EXD3: variants seen among roughly 807,000 people sequenced by gnomAD.
The protein encoded by EXD3 is exonuclease mut-7 homolog.
EXD3 carries 92 observed loss-of-function variants against 98.0 expected under a neutral mutation model. The observed-to-expected ratio is 0.94, with a 90% CI of 0.79 to 1.12. The LOEUF (loss-of-function observed/expected upper bound fraction) is 1.12. Ranked by LOEUF, EXD3 falls within the 50% of genes most tolerant of loss-of-function variation. The pLI, the probability that EXD3 is intolerant of heterozygous loss-of-function variation, is 0.00. For missense variants in EXD3, 1,222 were observed against 1,191.6 expected, an observed-to-expected ratio of 1.03 and a Z score of -0.38; for synonymous variants, 569 against 526.0, an observed-to-expected ratio of 1.08 and a Z score of -1.12.
chr9:137,310,336 G>A lies in EXD3; in HGVS notation c.2185-636C>T, dbSNP rs551130768. Among the ~76,000 whole-genome samples, 37 of 152,276 alleles carry A rather than the reference G, an allele frequency of 2.4e-4. No individual in the cohort carries two copies. In the South Asian group the frequency reaches 2.7e-3, roughly 11 times the overall value. ...ACAGCTCACTGCAGCCTGAAGCCCCGGGGCTCAAATGAGCCTCCCACATCA... is the reference window on the plus strand; with the variant it reads ...ACAGCTCACTGCAGCCTGAAGCCCCAGGGCTCAAATGAGCCTCCCACATCA... On this transcript the variant is annotated intron_variant, in intron 19 of 21. Coordinates refer to ENST00000340951, the MANE Select transcript of EXD3 (RefSeq NM_017820.5).
At chr9:137,329,498 CACACGGGACT>C (rs1832817612) in intron 17 of EXD3, among the ~76,000 whole-genome samples, 3 of 49,610 alleles carry the variant, frequency 6.0e-5, no homozygotes, top group Admixed American at 1.9e-4. Flanking sequence ...TACACGGGGT[CACACGGGACT>C]ACACGGGACT....
Position 137,328,960 on chromosome 9 carries a change from G to GA in EXD3, c.1999-4818_1999-4817insT, listed in dbSNP as rs1216926999. Among the ~76,000 whole-genome samples the GA allele has an allele frequency of 2.3e-3, 47 of 20,394 alleles. 4 individuals carry two copies. Among genetic ancestry groups the GA allele is most frequent in the Non-Finnish European group, 3.3e-3 (36 of 10,772 alleles). 13.4% of individuals were successfully genotyped at this position (20,394 alleles called of 152,430 possible). The stretch of plus-strand genomic sequence containing the variant: ...CACGGGGCTACACGGGGCTACACGG[G>GA]GCTACACGGGAGCTACACGGGACTA... On this transcript the variant is annotated intron_variant, in intron 17 of 21. Coordinates refer to ENST00000340951, the MANE Select transcript of EXD3 (RefSeq NM_017820.5).
At chr9:137,400,933 A>G (rs1164912414) in intron 1 of EXD3, among the ~76,000 whole-genome samples, 5 of 152,116 alleles carry the variant, frequency 3.3e-5, no homozygotes, top group Non-Finnish European at 5.9e-5. Flanking sequence ...GTGGGTTCCC[A>G]TGGTCTTGGG....
At position 137,374,434 on chromosome 9, in the gene EXD3, C is replaced by A. The variant is rs548010825; in HGVS notation, c.121-835G>T. ...CCGAGAGCGTGGGCCGCGCTGTTCT[C>A]GTCCCTGCGATGTGGATGGTGTGCT... On this transcript the variant is annotated intron_variant, in intron 3 of 21. Transcript: ENST00000340951. 1.7e-4 allele frequency: 78 copies of A among 459,866 alleles called. No individual in the cohort carries two copies. The South Asian group carries it at 3.1e-3, about 18-fold the overall frequency. The allele number at this position is 459,866 out of a possible 1,614,324, so 28.5% of individuals were successfully genotyped here.
intron 19 of EXD3, among the ~76,000 whole-genome samples, chr9:137,313,560 A>G (rs1397028641): frequency 6.6e-6 from 1 of 152,180 alleles, no homozygotes; most frequent in Non-Finnish European, 1.5e-5. Context: ...GCTTCTGAGC[A>G]AAGAGCAAGC....
intron 8 of EXD3, among the ~76,000 whole-genome samples, chr9:137,355,702 G>GAGGAAGT (rs1564509243): frequency 6.6e-4 from 97 of 147,408 alleles, no homozygotes; most frequent in African/African-American, 2.4e-3. Context: ...AGGGAGGAAG[G>GAGGAAGT]AGGAAGGAGG....
At chr9:137,381,974 G>T (rs1232862447) in intron 3 of EXD3, among the ~76,000 whole-genome samples, 1 of 137,828 alleles carries the variant, frequency 7.3e-6, no homozygotes, top group Non-Finnish European at 1.6e-5. Flanking sequence ...GGAGGAGGTG[G>T]GAGCACGCAG....
At chr9:137,340,874 C>A (rs1833615203) in intron 17 of EXD3, among the ~76,000 whole-genome samples, 1 of 152,128 alleles carries the variant, frequency 6.6e-6, no homozygotes, top group Admixed American at 6.5e-5. Context: ...CAATGCAGTT[C>A]CAAGCAACAC....
At chr9:137,362,295 C>G (rs941268880) in intron 7 of EXD3, among the ~76,000 whole-genome samples, 1 of 152,042 alleles carries the variant, frequency 6.6e-6, no homozygotes, top group Admixed American at 6.6e-5. Context: ...AAAAGTTACC[C>G]CAAAGGAATA....
intron 17 of EXD3, among the ~76,000 whole-genome samples, chr9:137,333,624 TA>T (rs1023507734): frequency 3.3e-5 from 5 of 152,238 alleles, no homozygotes; most frequent in African/African-American, 1.2e-4. Context: ...CCTGGTCGTT[TA>T]AAAGTGCGTA....
In EXD3 at chr9:137,307,001, G is replaced by C; in HGVS notation, c.2580C>G (p.Pro860=). The part of the protein sequence containing the change: ...THFRDMLESA[P]SPCEPSPAPS... ...GGGCTGGGCTCGGCTCGCAGGGGCT[G>C]GGGGCGCTCTCCAGCATGTCTCGGA... The change falls in exon 22 of 22, where the codon CCC becomes CCG. Residue 860 remains proline, a synonymous_variant. Coordinates refer to ENST00000340951, the MANE Select transcript of EXD3 (RefSeq NM_017820.5). 6.2e-7 allele frequency: 1 copy of C among 1,610,430 alleles called. No homozygotes were observed. The highest frequency in any genetic ancestry group is 1.1e-5 in the South Asian group (1 of 90,870).
intron 1 of EXD3, among the ~76,000 whole-genome samples, chr9:137,400,828 C>T (rs1837448516): frequency 6.6e-6 from 1 of 151,916 alleles, no homozygotes; most frequent in South Asian, 2.1e-4. Context: ...AGGGCCCACG[C>T]AAGTCTGAAA....
rs1191106473 is a variant in EXD3, at chr9:137,385,218, C to T, written c.56-1841G>A. Reference sequence around the variant, plus strand: ...TCTGCGCTCAGAACCGTCCCACCATCGTGCACAGTGTGCTGCATACAGAGG... The same window carrying T: ...TCTGCGCTCAGAACCGTCCCACCATTGTGCACAGTGTGCTGCATACAGAGG... On this transcript the variant is annotated intron_variant, in intron 2 of 21. Transcript: ENST00000340951. This position sits in a 1 kb window ranked among gnomAD's most constrained non-coding sequence, Gnocchi z 4.4. Among the ~76,000 whole-genome samples the T allele has an allele frequency of 6.6e-6, 1 of 152,224 alleles. No homozygotes were observed. The highest frequency in any genetic ancestry group is 2.4e-5 in the African/African-American group (1 of 41,476).
intron 18 of EXD3, 116 bp from the exon 19 acceptor site, chr9:137,323,972 G>A (rs973605940): frequency 2.0e-5 from 30 of 1,527,728 alleles, no homozygotes; most frequent in Non-Finnish European, 2.6e-5. Context: ...CAGGGGTACG[G>A]CAGAGGCGCT....
chr9:137,342,730 G>T (rs1395944142), intron 17 of EXD3, among the ~76,000 whole-genome samples: 1 of 152,198 alleles, frequency 6.6e-6, no homozygotes, highest in Non-Finnish European at 1.5e-5. Context: ...TTGCAGCCAG[G>T]CCTTTCTTAG....
At chr9:137,341,069 A>AAGG (rs1833630719) in intron 17 of EXD3, among the ~76,000 whole-genome samples, 1 of 152,230 alleles carries the variant, frequency 6.6e-6, no homozygotes, top group African/African-American at 2.4e-5. Flanking sequence ...TAATCCCAGC[A>AAGG]CTTTGGGAGG....
intron 2 of EXD3, among the ~76,000 whole-genome samples, chr9:137,390,119 CAAAAAAAAAAAAA>C (rs34716316): frequency 4.3e-5 from 1 of 23,382 alleles, no homozygotes. Context: ...GAGACTCTGT[CAAAAAAAAAAAAA>C]AAAAAAAAAA....
intron 8 of EXD3, among the ~76,000 whole-genome samples, chr9:137,355,693 G>GGAA (rs1564509196): frequency 5.2e-4 from 21 of 40,522 alleles, no homozygotes; most frequent in East Asian, 1.2e-3. Flanking sequence ...GAAGGAGAAA[G>GGAA]GGAGGAAGGA....
At chr9:137,352,251 ACT>A (rs1314159559) in intron 11 of EXD3, 50 bp from the exon 12 acceptor site, 1 of 1,607,094 alleles carries the variant, frequency 6.2e-7, no homozygotes, top group African/African-American at 1.3e-5. Flanking sequence ...TCCCCCACCC[ACT>A]CTGACCTCGG....
Sources: allele counts gnomAD v4.1 joint callset (sites outside exome capture counted in the v4.1 genomes callset), GRCh38; gene constraint gnomAD v4.1.1; non-coding constraint Gnocchi (gnomAD v3.1); transcripts MANE v1.5; gene names NCBI Gene and HGNC (gene_info 2026-07-23, HGNC 2026-07-21).